The following COX10 variants were observed in gnomAD, a reference collection of about 807,000 sequenced individuals.
COX10 encodes the protein protoheme IX farnesyltransferase, mitochondrial.
In COX10, 27 loss-of-function variants were observed where a neutral mutation model predicts 37.3. That is an observed-to-expected ratio of 0.72 (90% CI 0.53 to 1.00). The LOEUF (loss-of-function observed/expected upper bound fraction) is 1.00. COX10 is among the 50% of genes least tolerant of loss of function. The pLI is 0.00. For missense variants in COX10, 475 were observed against 563.2 expected (o/e 0.84, Z 1.59); for synonymous variants, 222 against 229.1 (o/e 0.97, Z 0.28).
chr17:14,076,709 A>G lies in COX10; in HGVS notation c.178-26A>G, dbSNP rs756591990. The G allele has an allele frequency of 1.9e-6, 3 of 1,612,810 alleles. No individual in the cohort carries two copies. In the Admixed American group the frequency reaches 5.0e-5, roughly 27 times the overall value. ...TGAGAGCATTTGGGGCCTTGGTTTTATAGTAATGTGTGCTTTTTTGTTTAG... is the reference window on the plus strand; with the variant it reads ...TGAGAGCATTTGGGGCCTTGGTTTTGTAGTAATGTGTGCTTTTTTGTTTAG... On this transcript the variant is annotated intron_variant, in intron 2 of 6. Transcript: ENST00000261643.
At chr17:14,086,069 A>G (rs1328560905) in intron 3 of COX10, among the ~76,000 whole-genome samples, 1 of 152,126 alleles carries the variant, frequency 6.6e-6, no homozygotes, top group South Asian at 2.1e-4. Flanking sequence ...GATTCTTTAT[A>G]TATTCAAGAT....
intron 3 of COX10, among the ~76,000 whole-genome samples, chr17:14,091,900 T>A (rs1915537874): frequency 6.6e-6 from 1 of 152,042 alleles, no homozygotes; most frequent in Non-Finnish European, 1.5e-5. Context: ...CTAACAATTT[T>A]TTTGCCAAAC....
intron 5 of COX10, among the ~76,000 whole-genome samples, chr17:14,185,586 A>T (rs910121401): frequency 1.3e-5 from 2 of 152,242 alleles, no homozygotes; most frequent in African/African-American, 4.8e-5. Context: ...GGTAAATCAA[A>T]CTTAATAACC....
At chr17:14,104,881 A>T (rs1391145410) in intron 4 of COX10, among the ~76,000 whole-genome samples, 2 of 152,156 alleles carry the variant, frequency 1.3e-5, no homozygotes, top group Non-Finnish European at 2.9e-5. Flanking sequence ...AATTACGTAC[A>T]TATTTTGTAA....
intron 3 of COX10, among the ~76,000 whole-genome samples, chr17:14,085,686 ATAAT>A (rs1346582728): frequency 1.3e-5 from 2 of 152,148 alleles, no homozygotes; most frequent in Non-Finnish European, 2.9e-5. Context: ...ACATAGTACT[ATAAT>A]AAATAAGCTA....
At chr17:14,116,075 A>T (rs187851564) in intron 4 of COX10, among the ~76,000 whole-genome samples, 1 of 152,316 alleles carries the variant, frequency 6.6e-6, no homozygotes, top group East Asian at 1.9e-4. Context: ...ATGGCAATGT[A>T]AAAGTTATTT....
At chr17:14,069,687 C>A (rs756890759) in intron 1 of COX10, 39 bp downstream of exon 1, 1 of 1,613,142 alleles carries the variant, frequency 6.2e-7, no homozygotes, top group African/African-American at 1.3e-5. Context: ...GGGGGAAATT[C>A]TTCTCTTATT....
chr17:14,207,291 G>T lies in COX10; in HGVS notation c.*78G>T, dbSNP rs1906740733. The T allele has an allele frequency of 1.4e-6, 2 of 1,448,160 alleles. No individual in the cohort carries two copies. Among genetic ancestry groups the T allele is most frequent in the Non-Finnish European group, 1.8e-6 (2 of 1,102,222 alleles). 89.7% of individuals were successfully genotyped at this position (1,448,160 alleles called of 1,614,324 possible). ...GTGGTAATTCTGGAACACAAGAAGA[G>T]AAATTGCTGGGTTTAGAACAAGATT... On this transcript the variant is annotated 3_prime_UTR_variant, in exon 7 of 7. Coordinates refer to ENST00000261643, the MANE Select transcript of COX10 (RefSeq NM_001303.4).
chr17:14,169,011 A>C (rs746614714), intron 5 of COX10, among the ~76,000 whole-genome samples: 2 of 152,182 alleles, frequency 1.3e-5, no homozygotes, highest in Non-Finnish European at 2.9e-5. Context: ...AGATTTTCCG[A>C]ACTTTTAAGT....
intron 5 of COX10, among the ~76,000 whole-genome samples, chr17:14,168,219 T>C (rs1202580228): frequency 6.6e-6 from 1 of 152,156 alleles, no homozygotes; most frequent in East Asian, 1.9e-4. Context: ...CAAAATAATC[T>C]CTTTTGACTC....
Position 14,077,035 on chromosome 17 carries a change from C to T in COX10, c.478C>T (p.Leu160=). Residue 160 remains leucine, a synonymous_variant, in exon 3 of 7, where the codon CTA becomes TTA. Transcript: ENST00000261643. ...TGATTTGCCAGGAATTTTGGCTCGACTATCCAAAATCAAACTCACAGGTAC... is the reference window on the plus strand; with the variant it reads ...TGATTTGCCAGGAATTTTGGCTCGATTATCCAAAATCAAACTCACAGGTAC... ...VYDLPGILAR[L]SKIKLTALVV... is the part of the protein sequence containing the mutation. 1 of 1,614,090 alleles carries T rather than the reference C, an allele frequency of 6.2e-7. No individual in the cohort carries two copies. Among genetic ancestry groups the T allele is most frequent in the Non-Finnish European group, 8.5e-7 (1 of 1,179,996 alleles).
In COX10 at chr17:14,102,132, A is replaced by G. The variant is rs750384364; in HGVS notation, c.514A>G (p.Thr172Ala). 2.5e-6 allele frequency: 4 copies of G among 1,613,560 alleles called. No individual in the cohort carries two copies. The highest frequency in any genetic ancestry group is 1.7e-4 in the Middle Eastern group (1 of 6,036). ...CTGTATCGCAGCTCTGGTTGTAAGT[A>G]CCACTGCAGCTGGATTTGCATTGGC... ...KIKLTALVVS[T>A]TAAGFALAPG... Residue 172 changes from threonine to alanine, a missense_variant, in exon 4 of 7, where the codon ACC becomes GCC. This residue lies in a region of COX10 where 242 missense variants were observed against 242.5 expected (regional missense o/e 1.00). Coordinates refer to ENST00000261643, the MANE Select transcript of COX10 (RefSeq NM_001303.4).
chr17:14,094,147 A>G lies in COX10; in HGVS notation c.500-7971A>G, dbSNP rs551347595. Among the ~76,000 whole-genome samples the G allele has an allele frequency of 3.9e-5, 6 of 152,300 alleles. No individual in the cohort carries two copies. In the South Asian group the frequency reaches 6.2e-4, roughly 16 times the overall value. On this transcript the variant is annotated intron_variant, in intron 3 of 6. Coordinates refer to ENST00000261643, the MANE Select transcript of COX10 (RefSeq NM_001303.4). ...AGATTTTACTACCAGTAATTTGCAC[A>G]TGGTTGTCCATATAGAAAATCAGAC...
chr17:14,113,522 A>G (rs1370999252), intron 4 of COX10, among the ~76,000 whole-genome samples: 1 of 152,094 alleles, frequency 6.6e-6, no homozygotes, highest in Non-Finnish European at 1.5e-5. Context: ...TTTCTCTCTT[A>G]TTTTCATGTT....
chr17:14,084,015 T>TA (rs1174846215), intron 3 of COX10, among the ~76,000 whole-genome samples: 3 of 152,182 alleles, frequency 2.0e-5, no homozygotes, highest in African/African-American at 7.2e-5. Flanking sequence ...ATGGAACTGA[T>TA]ATGAAGTATG....
At chr17:14,089,660 A>C (rs1915481786) in intron 3 of COX10, among the ~76,000 whole-genome samples, 1 of 152,182 alleles carries the variant, frequency 6.6e-6, no homozygotes, top group Admixed American at 6.5e-5. Flanking sequence ...CTTCTTGCTC[A>C]GTTTTCTTCT....
chr17:14,125,625 G>A (rs188563430), intron 4 of COX10, among the ~76,000 whole-genome samples: 1 of 152,250 alleles, frequency 6.6e-6, no homozygotes, highest in African/African-American at 2.4e-5. Flanking sequence ...TGAGGCATGT[G>A]TGTATTCATC....
At chr17:14,195,969 T>G (rs1906355321) in intron 6 of COX10, among the ~76,000 whole-genome samples, 1 of 152,136 alleles carries the variant, frequency 6.6e-6, no homozygotes. Context: ...GTCATTTATA[T>G]TATTCACAGA....
intron 4 of COX10, among the ~76,000 whole-genome samples, chr17:14,155,188 C>T (rs923840390): frequency 1.3e-5 from 2 of 151,824 alleles, no homozygotes; most frequent in Admixed American, 6.6e-5. Context: ...AAATCAGAGC[C>T]GATTCTAAAG....
Sources: allele counts gnomAD v4.1 joint callset (sites outside exome capture counted in the v4.1 genomes callset), GRCh38; gene constraint gnomAD v4.1.1; regional missense constraint gnomAD v4.1.1; transcripts MANE v1.5; gene names NCBI Gene and HGNC (gene_info 2026-07-23, HGNC 2026-07-21).